MARCHF6: variants seen among roughly 807,000 people sequenced by gnomAD.
MARCHF6 encodes the protein membrane associated ring-CH-type finger 6.
MARCHF6 carries 31 observed loss-of-function variants against 133.7 expected under a neutral mutation model. The observed-to-expected ratio is 0.23, with a 90% CI of 0.17 to 0.31. The LOEUF is 0.31. MARCHF6 is among the 10% of genes least tolerant of loss of function. The probability of loss-of-function intolerance (pLI) is 1.00; values close to 1 mark genes in which losing one functional copy is unlikely to be tolerated. For missense variants in MARCHF6, 723 were observed against 1,121.6 expected (o/e 0.64, Z 5.08); for synonymous variants, 395 against 402.5 (o/e 0.98, Z 0.22).
chr5:10,384,630 A>G (rs1384545635), intron 4 of MARCHF6, among the ~76,000 whole-genome samples: 1 of 152,198 alleles, frequency 6.6e-6, no homozygotes, highest in Non-Finnish European at 1.5e-5. Context: ...TAAACACATG[A>G]AAAACTGCTC....
chr5:10,429,767 G>T, intron 24 of MARCHF6, 126 bp from the exon 25 acceptor site: 1 of 725,010 alleles, frequency 1.4e-6, no homozygotes. Context: ...ATTGTAGAAA[G>T]TTAACAGACC....
chr5:10,405,777 G>A, intron 16 of MARCHF6, 100 bp downstream of exon 16: 1 of 1,037,908 alleles, frequency 9.6e-7, no homozygotes, highest in Non-Finnish European at 1.4e-6. Context: ...GGCTGATAGA[G>A]TATATTGAAT....
chr5:10,433,783 T>A lies in MARCHF6; in HGVS notation c.*99T>A. 1.0e-6 allele frequency: 1 copy of A among 977,950 alleles called. No homozygotes were observed. Among genetic ancestry groups the A allele is most frequent in the Non-Finnish European group, 1.6e-6 (1 of 618,422 alleles). The allele number at this position is 977,950 out of a possible 1,614,324, so 60.6% of individuals were successfully genotyped here. ...CCCAGTGATCTCTCAGCGTTGTTTT[T>A]AAGTTAAATGTATTTGACTTGTGTT... On this transcript the variant is annotated 3_prime_UTR_variant, in exon 26 of 26. Transcript: ENST00000274140.
intron 8 of MARCHF6, 147 bp from the exon 9 acceptor site, chr5:10,394,606 T>C (rs1324208155): frequency 1.7e-6 from 1 of 597,768 alleles, no homozygotes; most frequent in East Asian, 3.3e-5. Flanking sequence ...TTTTATTTTC[T>C]GAAAATGATA....
rs1304728571 is a variant in MARCHF6 at position 10,373,021 on chromosome 5, C to T, written c.20-4777C>T. 3.3e-5 allele frequency among the ~76,000 whole-genome samples: 5 copies of T among 151,752 alleles called. No homozygotes were observed. The East Asian group carries it at 9.7e-4, about 29-fold the overall frequency. On this transcript the variant is annotated intron_variant, in intron 1 of 25. Transcript: ENST00000274140. ...GTTACAGTGAGCTATGGTGGTGTCA[C>T]TGCACTCCAGCCTGGGTGACACAGC...
chr5:10,379,350 A>C (rs549900781), intron 3 of MARCHF6, among the ~76,000 whole-genome samples: 1 of 152,320 alleles, frequency 6.6e-6, no homozygotes, highest in East Asian at 1.9e-4. Flanking sequence ...ATCCACCTAG[A>C]AAAATAAACA....
chr5:10,385,141 T>G (rs1393327205), intron 4 of MARCHF6, among the ~76,000 whole-genome samples: 1 of 152,226 alleles, frequency 6.6e-6, no homozygotes, highest in East Asian at 1.9e-4. Flanking sequence ...TACATTCATC[T>G]ATAGTGGTAG....
chr5:10,438,913 C>A lies in MARCHF6; in HGVS notation c.*5229C>A, dbSNP rs192059650. 1 of 152,204 alleles carries A rather than the reference C, an allele frequency of 6.6e-6. No individual in the cohort carries two copies. The highest frequency in any genetic ancestry group is 1.5e-5 in the Non-Finnish European group (1 of 68,036). The allele number at this position is 152,204 out of a possible 1,614,324, so 9.4% of individuals were successfully genotyped here. ...ACACACTTCTCTAAGACCACTCATA[C>A]GTAAACACTACGTAGAGGCCCCTTT... On this transcript the variant is annotated 3_prime_UTR_variant, in exon 26 of 26. Transcript: ENST00000274140.
rs771832255 is a variant in MARCHF6 at position 10,405,696 on chromosome 5, TG to T, written c.1452+20del. The T allele has an allele frequency of 3.2e-6, 5 of 1,570,702 alleles. No homozygotes were observed. Among genetic ancestry groups the T allele is most frequent in the South Asian group, 2.4e-5 (2 of 83,760 alleles). On this transcript the variant is annotated intron_variant, in intron 16 of 25. Coordinates refer to ENST00000274140, the MANE Select transcript of MARCHF6 (RefSeq NM_005885.4). ...GTCAGTGGTAAGAAGATGTTTCCATTGTTTTTTTTTTTTGAATTAATTGTGC... is the reference window on the plus strand; with the variant it reads ...GTCAGTGGTAAGAAGATGTTTCCATTTTTTTTTTTTTTGAATTAATTGTGC...
At chr5:10,361,311 G>A (rs1421663632) in intron 1 of MARCHF6, among the ~76,000 whole-genome samples, 1 of 152,208 alleles carries the variant, frequency 6.6e-6, no homozygotes, top group Admixed American at 6.5e-5. Flanking sequence ...AGGGGCTGCT[G>A]TAACAAAGTA....
chr5:10,438,326 C>T lies in MARCHF6; in HGVS notation c.*4642C>T, dbSNP rs1740724824. 6.6e-6 allele frequency: 1 copy of T among 152,102 alleles called. No homozygotes were observed. The highest frequency in any genetic ancestry group is 2.4e-5 in the African/African-American group (1 of 41,424). 9.4% of individuals were successfully genotyped at this position (152,102 alleles called of 1,614,324 possible). On this transcript the variant is annotated 3_prime_UTR_variant, in exon 26 of 26. Transcript: ENST00000274140. ...TTGCTTCAGACTATTTCTAATTTTT[C>T]TTTGTTTATAGGTTCAGAATTTTTT...
At chr5:10,387,170 GAAC>G in intron 5 of MARCHF6, 104 bp downstream of exon 5, 1 of 827,162 alleles carries the variant, frequency 1.2e-6, no homozygotes, top group Admixed American at 2.6e-5. Context: ...TTTGTTTTGA[GAAC>G]AATAATTTAT....
At chr5:10,394,539 T>C (rs558758525) in intron 8 of MARCHF6, among the ~76,000 whole-genome samples, 1 of 152,340 alleles carries the variant, frequency 6.6e-6, no homozygotes, top group South Asian at 2.1e-4. Context: ...ATAAATCATG[T>C]AATTTTGAAT....
At chr5:10,378,668 T>C (rs1009951832) in intron 2 of MARCHF6, 91 bp from the exon 3 acceptor site, 13 of 809,848 alleles carry the variant, frequency 1.6e-5, no homozygotes, top group Non-Finnish European at 2.4e-5. Context: ...CTCTGTGATA[T>C]ATACATTTTT....
Position 10,386,995 on chromosome 5 carries a change from C to T in MARCHF6, c.336C>T (p.Cys112=). 6.2e-7 allele frequency: 1 copy of T among 1,612,626 alleles called. No individual in the cohort carries two copies. Among genetic ancestry groups the T allele is most frequent in the South Asian group, 1.1e-5 (1 of 91,008 alleles). ...AWLGVVPLTA[C]RIYKCLFTGS... ...TGCCATCATGCTCTTTTTCGGTAGG[C>T]CGCATCTACAAGTGCTTGTTTACTG... The change falls in exon 5 of 26, where the codon TGC becomes TGT. Residue 112 remains cysteine (C), a splice_region_variant and synonymous_variant. Coordinates refer to ENST00000274140, the MANE Select transcript of MARCHF6 (RefSeq NM_005885.4).
intron 7 of MARCHF6, 107 bp downstream of exon 7, chr5:10,391,838 A>G (rs760969053): frequency 9.6e-6 from 11 of 1,144,504 alleles, no homozygotes; most frequent in Admixed American, 3.7e-5. Context: ...GTGAAGTTCT[A>G]TTTCTAACTT....
intron 10 of MARCHF6, among the ~76,000 whole-genome samples, chr5:10,399,596 A>T (rs984376204): frequency 6.6e-6 from 1 of 152,206 alleles, no homozygotes; most frequent in Non-Finnish European, 1.5e-5. Context: ...TAAAGGTTTT[A>T]AAAATACTTT....
chr5:10,403,371 G>C (rs942670402), intron 14 of MARCHF6, 36 bp from the exon 15 acceptor site: 4 of 1,589,038 alleles, frequency 2.5e-6, no homozygotes, highest in African/African-American at 1.4e-5. Flanking sequence ...AATGTAGGGG[G>C]CACAGATTTC....
chr5:10,400,675 A>G, intron 10 of MARCHF6, 109 bp from the exon 11 acceptor site: 1 of 802,294 alleles, frequency 1.2e-6, no homozygotes, highest in Non-Finnish European at 2.2e-6. Context: ...CTAGTTCTGG[A>G]ATCTTTCATT....
Sources: allele counts gnomAD v4.1 joint callset (sites outside exome capture counted in the v4.1 genomes callset), GRCh38; gene constraint gnomAD v4.1.1; transcripts MANE v1.5; gene names NCBI Gene and HGNC (gene_info 2026-07-23, HGNC 2026-07-21).